NIPAL2: variants seen among roughly 807,000 people sequenced by gnomAD.
NIPAL2 encodes the protein NIPA-like protein 2.
NIPAL2 carries 43 observed loss-of-function variants against 48.9 expected under a neutral mutation model. The observed-to-expected ratio is 0.88, with a 90% confidence interval of 0.69 to 1.13. NIPAL2 has a LOEUF of 1.13. Among genes scored for constraint, NIPAL2 ranks in the 50% most tolerant of loss-of-function variants. The pLI, the probability that NIPAL2 is intolerant of heterozygous loss-of-function variation, is 0.00. For synonymous variants in NIPAL2, 167 were observed against 174.6 expected, an observed-to-expected ratio of 0.96 and a Z score of 0.34; for missense variants, 446 against 461.4, an observed-to-expected ratio of 0.97 and a Z score of 0.31.
intron 7 of NIPAL2, 116 bp downstream of exon 7, chr8:98,204,995 C>CTA: frequency 8.8e-7 from 1 of 1,136,306 alleles, no homozygotes; most frequent in Non-Finnish European, 1.3e-6. Flanking sequence ...ACAGGCCCTT[C>CTA]ACCCTTAGAA....
chr8:98,266,212 G>C (rs1408698122), intron 1 of NIPAL2, among the ~76,000 whole-genome samples: 5 of 150,202 alleles, frequency 3.3e-5, no homozygotes, highest in Admixed American at 1.3e-4. Flanking sequence ...CAGTGCACCA[G>C]CATGGCACAT....
chr8:98,241,746 A>G (rs1812989890), intron 3 of NIPAL2, among the ~76,000 whole-genome samples: 1 of 152,268 alleles, frequency 6.6e-6, no homozygotes, highest in South Asian at 2.1e-4. Context: ...TTATATTTAT[A>G]CAATGATTAT....
At chr8:98,206,018 A>G (rs969190644) in intron 6 of NIPAL2, among the ~76,000 whole-genome samples, 27 of 152,360 alleles carry the variant, frequency 1.8e-4, no homozygotes, top group Middle Eastern at 3.4e-3. Context: ...AAGTAACTTG[A>G]TAAGGTTATA....
chr8:98,286,497 T>C (rs1816169807), intron 1 of NIPAL2, among the ~76,000 whole-genome samples: 1 of 152,130 alleles, frequency 6.6e-6, no homozygotes, highest in Non-Finnish European at 1.5e-5. Flanking sequence ...CCTCCTGATA[T>C]GTGCCAAAGA....
chr8:98,229,326 A>T (rs1397348864), intron 4 of NIPAL2, among the ~76,000 whole-genome samples: 1 of 152,204 alleles, frequency 6.6e-6, no homozygotes, highest in Non-Finnish European at 1.5e-5. Context: ...GCCTTTTATA[A>T]TAGATACACT....
intron 1 of NIPAL2, among the ~76,000 whole-genome samples, chr8:98,261,754 T>C (rs1639847704): frequency 6.7e-6 from 1 of 149,786 alleles, no homozygotes; most frequent in South Asian, 2.1e-4. Flanking sequence ...CAGGCCAACG[T>C]TCAGATTCAG....
intron 1 of NIPAL2, among the ~76,000 whole-genome samples, chr8:98,258,536 G>A (rs2130843734): frequency 6.6e-6 from 1 of 152,222 alleles, no homozygotes; most frequent in Non-Finnish European, 1.5e-5. Context: ...GAAGGACTCC[G>A]TACTTCTACA....
chr8:98,262,606 C>T (rs1250564224), intron 1 of NIPAL2, among the ~76,000 whole-genome samples: 1 of 150,380 alleles, frequency 6.6e-6, no homozygotes, highest in African/African-American at 2.4e-5. Flanking sequence ...GCACCCAATA[C>T]AGGAGCACCC....
chr8:98,226,584 G>GTCTCTCTCTCTCTCCCTCTCTTTCTC (rs1812184341), intron 4 of NIPAL2, among the ~76,000 whole-genome samples: 1 of 151,772 alleles, frequency 6.6e-6, no homozygotes, highest in Non-Finnish European at 1.5e-5. Flanking sequence ...CAAACAAACA[G>GTCTCTCTCTCTCTCCCTCTCTTTCTC]TCTCTCTCTC....
chr8:98,293,676 C>T (rs927505551), intron 1 of NIPAL2, among the ~76,000 whole-genome samples: 30 of 152,176 alleles, frequency 2.0e-4, no homozygotes, highest in Admixed American at 1.9e-3. Flanking sequence ...AGATTCCTTC[C>T]GGGAGAAGAG....
At chr8:98,203,265 C>A in intron 7 of NIPAL2, 69 bp from the exon 8 acceptor site, 1 of 1,100,740 alleles carries the variant, frequency 9.1e-7, no homozygotes, top group South Asian at 1.3e-5. Flanking sequence ...ACAATAACTT[C>A]AAGAAACACG....
intron 1 of NIPAL2, among the ~76,000 whole-genome samples, chr8:98,277,831 T>C (rs1313737378): frequency 6.6e-6 from 1 of 152,232 alleles, no homozygotes; most frequent in East Asian, 1.9e-4. Context: ...CTATGTAATA[T>C]TCCATTGCAA....
chr8:98,248,058 A>G (rs2130820066), intron 3 of NIPAL2, among the ~76,000 whole-genome samples: 1 of 152,304 alleles, frequency 6.6e-6, no homozygotes. Context: ...TCCTCTGACA[A>G]ACTCCTGTAT....
At position 98,209,557 on chromosome 8, in the gene NIPAL2, G is replaced by A. The variant is rs115147600; in HGVS notation, c.655+2848C>T. On this transcript the variant is annotated intron_variant, in intron 6 of 10. Transcript: ENST00000430223. The stretch of plus-strand genomic sequence containing the variant: ...CACTTGAGGCTGGGAGTTTGAAGCC[G>A]CAGTGAGCTATGATTGTGCCACTAT... 6.2e-3 allele frequency among the ~76,000 whole-genome samples: 938 copies of A among 151,596 alleles called. 6 individuals carry two copies. Among genetic ancestry groups the A allele is most frequent in the African/African-American group, 0.021 (883 of 41,360 alleles).
intron 1 of NIPAL2, among the ~76,000 whole-genome samples, chr8:98,263,944 G>A (rs1814535166): frequency 7.5e-6 from 1 of 133,798 alleles, no homozygotes; most frequent in African/African-American, 2.9e-5. Context: ...GATCAAGTGG[G>A]CTTCATCCCT....
chr8:98,282,591 T>C (rs1815903933), intron 1 of NIPAL2, among the ~76,000 whole-genome samples: 1 of 152,152 alleles, frequency 6.6e-6, no homozygotes, highest in Non-Finnish European at 1.5e-5. Flanking sequence ...GAAGATCACT[T>C]CAGCCCAGCA....
intron 1 of NIPAL2, among the ~76,000 whole-genome samples, chr8:98,284,921 C>A (rs1816070809): frequency 6.6e-6 from 1 of 152,090 alleles, no homozygotes; most frequent in Non-Finnish European, 1.5e-5. Context: ...AGGACACTAC[C>A]TTTGCCATTT....
At chr8:98,246,785 G>A (rs901993680) in intron 3 of NIPAL2, among the ~76,000 whole-genome samples, 2 of 151,906 alleles carry the variant, frequency 1.3e-5, no homozygotes, top group Non-Finnish European at 2.9e-5. Context: ...AAATGTCACC[G>A]GTGCTTCCAT....
intron 1 of NIPAL2, among the ~76,000 whole-genome samples, chr8:98,283,308 A>C (rs1815962499): frequency 6.6e-6 from 1 of 152,224 alleles, no homozygotes. Context: ...GGAAAAAGCA[A>C]TACATTTAAT....
Sources: allele counts gnomAD v4.1 joint callset (sites outside exome capture counted in the v4.1 genomes callset), GRCh38; gene constraint gnomAD v4.1.1; transcripts MANE v1.5; gene names NCBI Gene and HGNC (gene_info 2026-07-23, HGNC 2026-07-21).